CMIP: variants seen among roughly 807,000 people sequenced by gnomAD.
The protein encoded by CMIP is c-Maf inducing protein.
A neutral mutation model predicts 97.3 loss-of-function variants in CMIP; 13 were observed. That is an observed-to-expected ratio of 0.13 (90% CI 0.09 to 0.21). CMIP has a LOEUF of 0.21. CMIP is among the 10% of genes least tolerant of loss of function. The probability of loss-of-function intolerance (pLI) is 1.00; values close to 1 mark genes in which losing one functional copy is unlikely to be tolerated. For synonymous variants in CMIP, 538 were observed against 436.3 expected (o/e 1.23, Z -2.91); for missense variants, 847 against 1,024.9 (o/e 0.83, Z 2.37).
At chr16:81,691,919 C>T in intron 11 of CMIP, 79 bp downstream of exon 11, 2 of 1,253,628 alleles carry the variant, frequency 1.6e-6, no homozygotes, top group Non-Finnish European at 2.3e-6. Flanking sequence ...TAGTGGGGGG[C>T]CAGTCATGTT....
chr16:81,678,436 C>T lies in CMIP; in HGVS notation c.1196C>T (p.Ser399Phe). 6.3e-7 allele frequency: 1 copy of T among 1,590,592 alleles called. No individual in the cohort carries two copies. Among genetic ancestry groups the T allele is most frequent in the Non-Finnish European group, 8.6e-7 (1 of 1,169,482 alleles). The change falls in exon 10 of 21, where the codon TCC becomes TTC. Residue 399 changes from serine (S) to phenylalanine (F), a missense_variant. Physicochemically the swap from Ser to Phe is radical, Grantham distance 155. Transcript: ENST00000537098. ...EARLKSVVVA[S>F]SEIHVEVERT... The stretch of plus-strand genomic sequence containing the variant: ...CGGCTCAAGTCGGTGGTCGTGGCCT[C>T]CAGTGAGATCCACGTGGAGGTGGAA...
chr16:81,660,467 G>C (rs530424930), intron 5 of CMIP, among the ~76,000 whole-genome samples: 62 of 152,122 alleles, frequency 4.1e-4, no homozygotes, highest in African/African-American at 1.5e-3. Context: ...TAGAGACGGA[G>C]TTTCCCTATG....
chr16:81,467,334 C>T (rs1314769250), intron 1 of CMIP, among the ~76,000 whole-genome samples: 2 of 152,172 alleles, frequency 1.3e-5, no homozygotes, highest in African/African-American at 4.8e-5. Flanking sequence ...CCTAGTGAGG[C>T]AGGGGCTTAA....
chr16:81,645,679 TC>T (rs2150995871), intron 3 of CMIP: 1 of 1,467,720 alleles, frequency 6.8e-7, no homozygotes, highest in East Asian at 2.5e-5. Context: ...AGCAGGAGGC[TC>T]TGCCTGCTGT....
intron 1 of CMIP, among the ~76,000 whole-genome samples, chr16:81,605,670 C>G (rs1194357230): frequency 6.6e-6 from 1 of 152,222 alleles, no homozygotes; most frequent in South Asian, 2.1e-4. Context: ...AGCCTTTGCA[C>G]TGGCCGTGGG....
chr16:81,471,481 C>T (rs1173085060), intron 1 of CMIP, among the ~76,000 whole-genome samples: 1 of 152,116 alleles, frequency 6.6e-6, no homozygotes, highest in Non-Finnish European at 1.5e-5. Context: ...CAGACATGCA[C>T]ACAGATACAT....
intron 1 of CMIP, among the ~76,000 whole-genome samples, chr16:81,487,007 G>T (rs778350330): frequency 1.3e-5 from 2 of 152,274 alleles, no homozygotes; most frequent in African/African-American, 4.8e-5. Context: ...TCTGGAGGGA[G>T]CGTGGGACTG....
At position 81,468,458 on chromosome 16, in the gene CMIP, A is replaced by G. The variant is rs546171573; in HGVS notation, c.300+22917A>G. On this transcript the variant is annotated intron_variant, in intron 1 of 20. Transcript: ENST00000537098. Reference sequence around the variant, plus strand: ...GGAACCTTCCGCACCTTGTAGGGTGAGAACGAAGTGAGAAGTGAGCAGATA... The same window carrying G: ...GGAACCTTCCGCACCTTGTAGGGTGGGAACGAAGTGAGAAGTGAGCAGATA... Among the ~76,000 whole-genome samples, 17 of 152,372 alleles carry G rather than the reference A, an allele frequency of 1.1e-4. 1 individual carries two copies. The highest frequency in any genetic ancestry group is 9.1e-4 in the Admixed American group (14 of 15,310).
intron 1 of CMIP, among the ~76,000 whole-genome samples, chr16:81,454,700 A>C (rs1162606712): frequency 1.3e-5 from 2 of 152,190 alleles, no homozygotes; most frequent in Non-Finnish European, 2.9e-5. Flanking sequence ...CTCCCAAGGG[A>C]CTCATAGTTA....
At chr16:81,703,030 T>C (rs1054695985) in intron 17 of CMIP, among the ~76,000 whole-genome samples, 5 of 152,146 alleles carry the variant, frequency 3.3e-5, no homozygotes, top group Non-Finnish European at 5.9e-5. Context: ...ATCTTACCAT[T>C]CGCATTTCAC....
At chr16:81,612,166 C>T (rs1269132142) in intron 2 of CMIP, among the ~76,000 whole-genome samples, 2 of 152,176 alleles carry the variant, frequency 1.3e-5, no homozygotes, top group Non-Finnish European at 2.9e-5. Flanking sequence ...GATGGGGTAG[C>T]AGGCATTAAA....
At chr16:81,566,626 A>G (rs916408607) in intron 1 of CMIP, among the ~76,000 whole-genome samples, 1 of 152,224 alleles carries the variant, frequency 6.6e-6, no homozygotes, top group Admixed American at 6.5e-5. Flanking sequence ...TGCTTCTCCT[A>G]GGACCCAATG....
chr16:81,669,235 ACCT>A (rs1221296973), intron 7 of CMIP, among the ~76,000 whole-genome samples: 1 of 81,536 alleles, frequency 1.2e-5, no homozygotes, highest in Admixed American at 1.4e-4. Flanking sequence ...TCCACCTCAC[ACCT>A]CCACACCCAC....
rs1217115147 is a variant in CMIP, at chr16:81,699,667, G to A, written c.1639-18G>A. ...CTGGGTGTCTCTGTCCCTTCACCTG[G>A]GCCTTCTTGCCTCACAGGTGCACAT... On this transcript the variant is annotated intron_variant, in intron 14 of 20. Coordinates refer to ENST00000537098, the MANE Select transcript of CMIP (RefSeq NM_198390.3). 1.3e-6 allele frequency: 2 copies of A among 1,540,304 alleles called. No homozygotes were observed. Among genetic ancestry groups the A allele is most frequent in the East Asian group, 2.3e-5 (1 of 44,388 alleles).
intron 1 of CMIP, among the ~76,000 whole-genome samples, chr16:81,522,831 C>T (rs1396041406): frequency 6.6e-6 from 1 of 152,154 alleles, no homozygotes; most frequent in African/African-American, 2.4e-5. Context: ...CCAGGTACCC[C>T]CTTATTGTAA....
At chr16:81,600,156 G>C (rs1055144222) in intron 1 of CMIP, among the ~76,000 whole-genome samples, 1 of 150,770 alleles carries the variant, frequency 6.6e-6, no homozygotes, top group Non-Finnish European at 1.5e-5. Flanking sequence ...GTGGGTGACT[G>C]TAATCCCAGC....
intron 1 of CMIP, among the ~76,000 whole-genome samples, chr16:81,497,068 G>A (rs2089505517): frequency 6.6e-6 from 1 of 152,338 alleles, no homozygotes; most frequent in South Asian, 2.1e-4. Flanking sequence ...AGAGGGAGGT[G>A]TAGACCCTGG....
At chr16:81,703,601 GCACACACACACAGACA>G (rs1038152143) in intron 17 of CMIP, among the ~76,000 whole-genome samples, 11 of 138,366 alleles carry the variant, frequency 7.9e-5, no homozygotes, top group Admixed American at 4.3e-4. Context: ...ACACATACAG[GCACACACACACAGACA>G]CACACACACA....
intron 1 of CMIP, among the ~76,000 whole-genome samples, chr16:81,449,879 A>G (rs986624713): frequency 6.6e-6 from 1 of 152,222 alleles, no homozygotes; most frequent in Non-Finnish European, 1.5e-5. Context: ...GTAAGTTTTG[A>G]TGCTCGCATT....
Sources: allele counts gnomAD v4.1 joint callset (sites outside exome capture counted in the v4.1 genomes callset), GRCh38; gene constraint gnomAD v4.1.1; transcripts MANE v1.5; gene names NCBI Gene and HGNC (gene_info 2026-07-23, HGNC 2026-07-21).